SCN1A: variants seen among roughly 807,000 people sequenced by gnomAD.
SCN1A encodes sodium voltage-gated channel alpha subunit 1.
In SCN1A, 13 loss-of-function variants were observed where a neutral mutation model predicts 193.7. The observed-to-expected ratio is 0.07, with a 90% CI of 0.04 to 0.11. The LOEUF (loss-of-function observed/expected upper bound fraction) is 0.11, where lower values mean the gene tolerates loss of function less well. SCN1A is among the 10% of genes least tolerant of loss of function. SCN1A has a pLI of 1.00. For missense variants in SCN1A, 1,432 were observed against 2,451.1 expected (o/e 0.58, Z 8.78); for synonymous variants, 781 against 843.6 (o/e 0.93, Z 1.29).
chr2:165,985,283 GAGGGAGAGAGGAAGGA>G (rs1389374526), downstream of SCN1A: 1 of 149,338 alleles, frequency 6.7e-6, no homozygotes, highest in Non-Finnish European at 1.5e-5. Context: ...GAAGGAAGGA[GAGGGAGAGAGGAAGGA>G]AGGGAGAGAG....
intron 2 of SCN1A, among the ~76,000 whole-genome samples, chr2:166,083,971 G>C (rs751807914): frequency 6.6e-6 from 1 of 152,116 alleles, no homozygotes. Context: ...TCTAATCCTC[G>C]TGACTGTGAT....
chr2:166,063,240 A>G (rs940626649), intron 4 of SCN1A, among the ~76,000 whole-genome samples: 1 of 152,176 alleles, frequency 6.6e-6, no homozygotes, highest in African/African-American at 2.4e-5. Context: ...ATGTTGAAGC[A>G]TGGCATTGTA....
intron 1 of SCN1A, chr2:166,133,924 T>C (rs985088893): frequency 6.6e-6 from 1 of 152,126 alleles, no homozygotes; most frequent in African/African-American, 2.4e-5. Context: ...AACTATGACT[T>C]ATTTTTTTTG....
At chr2:166,058,758 T>A in intron 4 of SCN1A, 70 bp from the exon 5 acceptor site, 1 of 857,884 alleles carries the variant, frequency 1.2e-6, no homozygotes, top group Non-Finnish European at 2.0e-6. Context: ...CTACTTTCTG[T>A]TACTTGTCAT....
chr2:166,025,903 T>C (rs1694696816), intron 19 of SCN1A, among the ~76,000 whole-genome samples: 1 of 152,174 alleles, frequency 6.6e-6, no homozygotes. Flanking sequence ...TAAAATGCTT[T>C]TATTTTTGAA....
At chr2:166,120,327 A>T (rs1020492906) in intron 2 of SCN1A, among the ~76,000 whole-genome samples, 1 of 151,630 alleles carries the variant, frequency 6.6e-6, no homozygotes, top group East Asian at 1.9e-4. Context: ...AACCAGAGAT[A>T]ACTATTATAT....
intron 19 of SCN1A, among the ~76,000 whole-genome samples, chr2:166,024,228 A>AAAAC (rs71031223): frequency 2.6e-5 from 4 of 151,890 alleles, no homozygotes; most frequent in Admixed American, 1.3e-4. Flanking sequence ...CCTGTCTCAA[A>AAAAC]AAACAAACAA....
chr2:166,101,612 A>G (rs1688091521), intron 2 of SCN1A, among the ~76,000 whole-genome samples: 1 of 152,180 alleles, frequency 6.6e-6, no homozygotes, highest in Admixed American at 6.5e-5. Flanking sequence ...ACAATCGATA[A>G]TAGCAAGCAA....
At chr2:166,014,389 A>G (rs1052584052) in intron 20 of SCN1A, among the ~76,000 whole-genome samples, 19 of 151,718 alleles carry the variant, frequency 1.3e-4, no homozygotes, top group Middle Eastern at 6.8e-3. Context: ...TGCATAATTA[A>G]TTTAGTTCAC....
chr2:166,086,799 A>G (rs1356627573), intron 2 of SCN1A, among the ~76,000 whole-genome samples: 2 of 152,138 alleles, frequency 1.3e-5, no homozygotes, highest in African/African-American at 4.8e-5. Flanking sequence ...CTTTTGTGGT[A>G]TACTGGTCTG....
chr2:166,033,031 A>T (rs1384794534), intron 19 of SCN1A, among the ~76,000 whole-genome samples: 1 of 152,170 alleles, frequency 6.6e-6, no homozygotes, highest in African/African-American at 2.4e-5. Flanking sequence ...ACTTTGTACC[A>T]AACATGTTTA....
chr2:166,061,127 C>A (rs1309888940), intron 4 of SCN1A, among the ~76,000 whole-genome samples: 1 of 152,122 alleles, frequency 6.6e-6, no homozygotes, highest in African/African-American at 2.4e-5. Context: ...TAACCAGGCT[C>A]ATCCTAAGGA....
chr2:166,076,099 TA>T (rs1469650818), intron 3 of SCN1A, among the ~76,000 whole-genome samples: 2 of 151,966 alleles, frequency 1.3e-5, no homozygotes, highest in African/African-American at 2.4e-5. Flanking sequence ...TTTTTGACTT[TA>T]TGGTGCTTTG....
intron 27 of SCN1A, 141 bp downstream of exon 27, chr2:165,995,872 T>C (rs990295706): frequency 1.5e-6 from 1 of 647,992 alleles, no homozygotes; most frequent in Non-Finnish European, 2.8e-6. Flanking sequence ...TCATAAAAGA[T>C]ACAAACATCA....
chr2:166,129,935 A>G (rs1282176319), upstream of SCN1A, among the ~76,000 whole-genome samples: 2 of 152,156 alleles, frequency 1.3e-5, no homozygotes, highest in South Asian at 2.1e-4. Context: ...CTGGTCAAAG[A>G]GAGCCACTAC....
chr2:166,080,632 G>A (rs200693709), intron 2 of SCN1A, among the ~76,000 whole-genome samples: 1 of 97,482 alleles, frequency 1.0e-5, no homozygotes, highest in Non-Finnish European at 2.4e-5. Flanking sequence ...AAAGAAGACA[G>A]GAAAAAAATA....
chr2:166,148,009 TG>T (rs1410977065), intron 1 of SCN1A, among the ~76,000 whole-genome samples: 1 of 152,192 alleles, frequency 6.6e-6, no homozygotes, highest in Non-Finnish European at 1.5e-5. Flanking sequence ...AACAAATGAT[TG>T]ATAGTTAACT....
chr2:166,132,378 G>T (rs1047623171), upstream of SCN1A, among the ~76,000 whole-genome samples: 3 of 149,534 alleles, frequency 2.0e-5, no homozygotes, highest in Non-Finnish European at 3.0e-5. Context: ...TTTCCTAGTG[G>T]TTTTTTTTTT....
chr2:166,103,781 G>A (rs1688396303), intron 2 of SCN1A, among the ~76,000 whole-genome samples: 1 of 152,116 alleles, frequency 6.6e-6, no homozygotes, highest in Non-Finnish European at 1.5e-5. Context: ...CCAGTGCCAA[G>A]AACTGCATTA....
Sources: allele counts gnomAD v4.1 joint callset (sites outside exome capture counted in the v4.1 genomes callset), GRCh38; gene constraint gnomAD v4.1.1; transcripts MANE v1.5; gene names NCBI Gene and HGNC (gene_info 2026-07-23, HGNC 2026-07-21).